SETX: variants seen among roughly 807,000 people sequenced by gnomAD.
SETX encodes helicase senataxin.
A neutral mutation model predicts 227.2 loss-of-function variants in SETX; 90 were observed. That is an observed-to-expected ratio of 0.40 (90% CI 0.33 to 0.47). The LOEUF (loss-of-function observed/expected upper bound fraction) is 0.47, where lower values mean the gene tolerates loss of function less well. SETX is among the 20% of genes least tolerant of loss of function. The probability of loss-of-function intolerance (pLI) is 0.91; values close to 1 mark genes in which losing one functional copy is unlikely to be tolerated. For missense variants in SETX, 3,052 were observed against 3,181.5 expected (o/e 0.96, Z 0.98); for synonymous variants, 1,210 against 1,113.2 (o/e 1.09, Z -1.73).
In SETX at chr9:132,265,289, G is replaced by A. The variant is rs185392635; in HGVS notation, c.7288-304C>T. 3.2e-3 allele frequency among the ~76,000 whole-genome samples: 455 copies of A among 144,186 alleles called. 3 individuals are homozygous for A. Among genetic ancestry groups the A allele is most frequent in the African/African-American group, 0.011 (430 of 38,282 alleles). The allele number at this position is 144,186 out of a possible 152,430, so 94.6% of individuals were successfully genotyped here. A position where few individuals can be genotyped will look rare whatever the true frequency, so the allele number is the denominator to read the frequency against. ...TTGCCAGGCTGGAGTGCAGTGGCGC[G>A]ATCTTGGCTCACTGCAACCTCCACC... On this transcript the variant is annotated intron_variant, in intron 25 of 25. Coordinates refer to ENST00000224140, the MANE Select transcript of SETX (RefSeq NM_015046.7).
chr9:132,273,382 TG>T (rs1340474591), intron 23 of SETX, among the ~76,000 whole-genome samples: 2 of 152,116 alleles, frequency 1.3e-5, no homozygotes, highest in Non-Finnish European at 2.9e-5. Context: ...AGGCTGGTCT[TG>T]AACTCCTGAC....
intron 15 of SETX, among the ~76,000 whole-genome samples, chr9:132,292,006 T>C (rs1234180580): frequency 2.0e-5 from 3 of 152,218 alleles, no homozygotes; most frequent in South Asian, 4.1e-4. Context: ...TAATTAAATT[T>C]AATTCCATCT....
chr9:132,297,891 T>C (rs1411308845), intron 13 of SETX, among the ~76,000 whole-genome samples, 189 bp downstream of exon 13: 2 of 152,234 alleles, frequency 1.3e-5, no homozygotes, highest in Non-Finnish European at 1.5e-5. Flanking sequence ...CTTATTGTAC[T>C]GTACCTTTTC....
In SETX at chr9:132,298,101, C is replaced by A. The variant is rs1564503993; in HGVS notation, c.5760G>T (p.Leu1920=). 4 of 1,613,632 alleles carry A rather than the reference C, an allele frequency of 2.5e-6. No homozygotes were observed. The highest frequency in any genetic ancestry group is 1.6e-4 in the Middle Eastern group (1 of 6,062). ...TCACAATTCTCTCAGATGTTGTAGT[C>A]AGTAAATCTTTTGTACAGAAGTCCA... The part of the protein sequence containing the change: ...NPMDFCTKDL[L]TTTSERIIAY... Residue 1920 remains leucine (L), a synonymous_variant, in exon 13 of 26, where the codon CTG becomes CTT. Transcript: ENST00000224140.
chr9:132,351,952 A>C (rs899876626), intron 2 of SETX, among the ~76,000 whole-genome samples: 16 of 152,210 alleles, frequency 1.1e-4, no homozygotes, highest in Non-Finnish European at 1.3e-4. Flanking sequence ...AAAATATAGG[A>C]TGCTTCACCA....
chr9:132,270,725 A>T (rs1842865402), intron 24 of SETX, among the ~76,000 whole-genome samples: 1 of 152,236 alleles, frequency 6.6e-6, no homozygotes, highest in South Asian at 2.1e-4. Flanking sequence ...TTATTCTTAC[A>T]TTTAAATATA....
intron 23 of SETX, among the ~76,000 whole-genome samples, chr9:132,273,076 T>G (rs28607560): frequency 0.096 from 14,377 of 150,538 alleles, 760 homozygotes; most frequent in South Asian, 0.16. Flanking sequence ...CTACTAAAAA[T>G]GAAAAAACAC....
chr9:132,296,071 A>C (rs1277574678), intron 14 of SETX, 43 bp from the exon 15 acceptor site: 1 of 1,611,208 alleles, frequency 6.2e-7, no homozygotes, highest in Non-Finnish European at 8.5e-7. Context: ...CACACAAAAA[A>C]TATGGGTGAG....
intron 3 of SETX, among the ~76,000 whole-genome samples, chr9:132,347,258 A>C (rs73548789): frequency 6.6e-6 from 1 of 152,074 alleles, no homozygotes; most frequent in African/African-American, 2.4e-5. Flanking sequence ...ATCTCAAACA[A>C]AAAACCAAAC....
At position 132,263,907 on chromosome 9, in the gene SETX, G is replaced by A. The variant is rs944996304; in HGVS notation, c.*332C>T. 3.7e-6 allele frequency: 1 copy of A among 273,628 alleles called. No individual in the cohort carries two copies. The highest frequency in any genetic ancestry group is 7.0e-6 in the Non-Finnish European group (1 of 142,282). 17.0% of individuals were successfully genotyped at this position (273,628 alleles called of 1,614,324 possible). On this transcript the variant is annotated 3_prime_UTR_variant, in exon 26 of 26. Transcript: ENST00000224140. ...GGTCTACTAGATTAAATTTTAAAAG[G>A]ATTTTGTTATTTGCTATACAAATAT...
In SETX at chr9:132,327,996, A is replaced by G. The variant is rs750443804; in HGVS notation, c.3602T>C (p.Ile1201Thr). The change falls in exon 10 of 26, where the codon ATT becomes ACT. Residue 1201 changes from isoleucine (I) to threonine (T), a missense_variant. By Grantham distance (89) the Ile-to-Thr change is moderately conservative (BLOSUM62 -1). This residue lies in a region of SETX where 1,483 missense variants were observed against 1,312.0 expected (regional missense o/e 1.13). Transcript: ENST00000224140. ...ATTGGGAGTTGAAGTCCTTCTATCA[A>G]TACTTTTAAAATCATTTCCCACAAG... Reference protein sequence around the residue: ...RDLVGNDFKSIDRRTSTPNSR... With the variant: ...RDLVGNDFKSTDRRTSTPNSR... The G allele has an allele frequency of 1.2e-5, 19 of 1,613,702 alleles. No individual in the cohort carries two copies. The Admixed American group carries it at 1.8e-4, about 16-fold the overall frequency.
chr9:132,350,310 A>C (rs1848537556), intron 2 of SETX, among the ~76,000 whole-genome samples: 1 of 152,188 alleles, frequency 6.6e-6, no homozygotes, highest in African/African-American at 2.4e-5. Flanking sequence ...AGATTGCGCC[A>C]CTGCACTCCA....
chr9:132,289,690 T>C (rs1844170728), intron 15 of SETX, among the ~76,000 whole-genome samples: 1 of 152,188 alleles, frequency 6.6e-6, no homozygotes, highest in Non-Finnish European at 1.5e-5. Context: ...AATAAAGCTT[T>C]TAAAACTATG....
intron 2 of SETX, 55 bp from the exon 3 acceptor site, chr9:132,349,490 G>C: frequency 6.5e-7 from 1 of 1,543,832 alleles, no homozygotes; most frequent in South Asian, 1.1e-5. Flanking sequence ...CCTACTGTGT[G>C]TCAAGAATAG....
At chr9:132,304,030 G>A (rs913635812) in intron 11 of SETX, among the ~76,000 whole-genome samples, 13 of 152,192 alleles carry the variant, frequency 8.5e-5, no homozygotes, top group African/African-American at 3.1e-4. Context: ...TGAGGCAGGA[G>A]AATTGCTTGA....
intron 10 of SETX, among the ~76,000 whole-genome samples, chr9:132,320,105 C>T (rs755191240): frequency 3.7e-4 from 56 of 152,234 alleles, no homozygotes; most frequent in Non-Finnish European, 6.0e-4. Context: ...TTCTTCTTCC[C>T]GTCACATCAA....
intron 18 of SETX, among the ~76,000 whole-genome samples, chr9:132,284,977 C>T (rs1433565209): frequency 1.3e-5 from 2 of 151,776 alleles, no homozygotes; most frequent in African/African-American, 2.4e-5. Flanking sequence ...CTCCCAGGTT[C>T]ACGCCATTCT....
intron 7 of SETX, among the ~76,000 whole-genome samples, chr9:132,332,239 A>G (rs943478712): frequency 1.3e-5 from 2 of 152,204 alleles, no homozygotes; most frequent in South Asian, 2.1e-4. Flanking sequence ...TACACTATCT[A>G]CAGCACAAAT....
chr9:132,346,189 A>T, intron 4 of SETX, 72 bp downstream of exon 4: 2 of 1,250,446 alleles, frequency 1.6e-6, no homozygotes. Flanking sequence ...TTTGCAATAT[A>T]GATAAGCCTA....
Sources: allele counts gnomAD v4.1 joint callset (sites outside exome capture counted in the v4.1 genomes callset), GRCh38; gene constraint gnomAD v4.1.1; regional missense constraint gnomAD v4.1.1; transcripts MANE v1.5; gene names NCBI Gene and HGNC (gene_info 2026-07-23, HGNC 2026-07-21).